ZNF804B: variants seen among roughly 807,000 people sequenced by gnomAD.
The protein encoded by ZNF804B is zinc finger 804B.
Under a neutral mutation model 101.4 loss-of-function variants are expected in ZNF804B, and 80 were observed. That is an observed-to-expected ratio of 0.79 (90% CI 0.66 to 0.95). ZNF804B has a LOEUF of 0.95. Ranked by LOEUF, ZNF804B falls within the 40% of genes least tolerant of loss-of-function variation. The pLI is 0.00. For synonymous variants in ZNF804B, 622 were observed against 558.8 expected, an observed-to-expected ratio of 1.11 and a Z score of -1.59; for missense variants, 1,673 against 1,561.9, an observed-to-expected ratio of 1.07 and a Z score of -1.20.
At position 89,213,075 on chromosome 7, in the gene ZNF804B, A is replaced by C. The variant is rs113569652; in HGVS notation, c.109-5080A>C. Among the ~76,000 whole-genome samples, 1,199 of 152,332 alleles carry C rather than the reference A, an allele frequency of 7.9e-3. 17 individuals are homozygous for C. Among genetic ancestry groups the C allele is most frequent in the African/African-American group, 0.027 (1,142 of 41,572 alleles). ...TAGAGTTTGAACTTCTGTAAGACAG[A>C]GGCTGACATTCAAGCTAGTCAGGTC... On this transcript the variant is annotated intron_variant, in intron 1 of 3. Transcript: ENST00000333190.
chr7:89,202,131 T>A (rs2040688), intron 1 of ZNF804B, among the ~76,000 whole-genome samples: 112,827 of 152,014 alleles, frequency 0.74, 42,955 homozygotes, highest in African/African-American at 0.87. Context: ...AGCATTCATA[T>A]CATAACTAAA....
chr7:89,322,737 C>A (rs753876113), intron 2 of ZNF804B, among the ~76,000 whole-genome samples: 4 of 152,138 alleles, frequency 2.6e-5, no homozygotes, highest in Non-Finnish European at 4.4e-5. Context: ...AATAAAAAAT[C>A]TATTTTGTCT....
intron 2 of ZNF804B, among the ~76,000 whole-genome samples, chr7:89,313,828 C>G (rs1380636973): frequency 6.6e-6 from 1 of 152,082 alleles, no homozygotes; most frequent in Non-Finnish European, 1.5e-5. Flanking sequence ...TTTTCCTTGA[C>G]CTCTGCAACT....
At chr7:88,905,605 C>T (rs1032063981) in intron 1 of ZNF804B, among the ~76,000 whole-genome samples, 11 of 152,226 alleles carry the variant, frequency 7.2e-5, no homozygotes, top group South Asian at 4.1e-4. Flanking sequence ...GTGATCTCTC[C>T]GCCTTGACCT....
At chr7:89,199,865 TTATA>T (rs1192133129) in intron 1 of ZNF804B, among the ~76,000 whole-genome samples, 1 of 148,532 alleles carries the variant, frequency 6.7e-6, no homozygotes, top group Admixed American at 6.8e-5. Context: ...TATGTATACA[TTATA>T]TATGTAGTAT....
chr7:89,005,585 C>T (rs1397878058), intron 1 of ZNF804B, among the ~76,000 whole-genome samples: 3 of 152,026 alleles, frequency 2.0e-5, no homozygotes, highest in Non-Finnish European at 4.4e-5. Flanking sequence ...TCTGTTATTG[C>T]AGTTGTAGAA....
At position 88,929,131 on chromosome 7, in the gene ZNF804B, C is replaced by G. The variant is rs975713597; in HGVS notation, c.108+169047C>G. The stretch of plus-strand genomic sequence containing the variant: ...ACAGTATGGAGCTCCTAGATAAGCT[C>G]TCTTTATCATATACAGATCTCTTGC... On this transcript the variant is annotated intron_variant, in intron 1 of 3. Coordinates refer to ENST00000333190, the MANE Select transcript of ZNF804B (RefSeq NM_181646.5). Among the ~76,000 whole-genome samples the G allele has an allele frequency of 4.0e-5, 6 of 151,858 alleles. No homozygotes were observed. In the South Asian group the frequency reaches 1.0e-3, roughly 26 times the overall value.
At chr7:89,061,373 G>A (rs905804791) in intron 1 of ZNF804B, among the ~76,000 whole-genome samples, 41 of 147,094 alleles carry the variant, frequency 2.8e-4, no homozygotes, top group African/African-American at 1.1e-3. Flanking sequence ...TGTGACTCTG[G>A]CCCAAACCCC....
intron 1 of ZNF804B, among the ~76,000 whole-genome samples, chr7:89,077,356 T>G (rs1789630567): frequency 6.6e-6 from 1 of 152,146 alleles, no homozygotes; most frequent in South Asian, 2.1e-4. Flanking sequence ...TTGACATTTT[T>G]TTTTCAAATG....
chr7:88,976,502 G>A (rs1223765529), intron 1 of ZNF804B, among the ~76,000 whole-genome samples: 1 of 151,022 alleles, frequency 6.6e-6, no homozygotes, highest in African/African-American at 2.4e-5. Flanking sequence ...TGTACTTATT[G>A]TCAATGAGAT....
At chr7:88,793,718 A>G (rs985067907) in intron 1 of ZNF804B, among the ~76,000 whole-genome samples, 1 of 152,070 alleles carries the variant, frequency 6.6e-6, no homozygotes, top group Non-Finnish European at 1.5e-5. Flanking sequence ...TATCGTAACT[A>G]CTTCTACATG....
intron 1 of ZNF804B, among the ~76,000 whole-genome samples, chr7:89,134,726 G>A (rs1790604152): frequency 6.6e-6 from 1 of 151,944 alleles, no homozygotes; most frequent in Admixed American, 6.6e-5. Context: ...ATCCTTTTGG[G>A]TAAATTCTTT....
chr7:88,869,603 T>C (rs76634445), intron 1 of ZNF804B, among the ~76,000 whole-genome samples: 4,311 of 152,288 alleles, frequency 0.028, 214 homozygotes, highest in African/African-American at 0.098. Flanking sequence ...TAACCAAATA[T>C]ATATCAAAAT....
chr7:89,094,711 A>T (rs578023930), intron 1 of ZNF804B, among the ~76,000 whole-genome samples: 1 of 152,314 alleles, frequency 6.6e-6, no homozygotes, highest in East Asian at 1.9e-4. Flanking sequence ...CAAAACAAAA[A>T]TGATGATTAA....
intron 2 of ZNF804B, among the ~76,000 whole-genome samples, chr7:89,306,121 T>C (rs1790558418): frequency 6.6e-6 from 1 of 151,924 alleles, no homozygotes; most frequent in Non-Finnish European, 1.5e-5. Flanking sequence ...CCAAACAGAT[T>C]TCATCTCCAA....
intron 1 of ZNF804B, among the ~76,000 whole-genome samples, chr7:89,139,659 C>A (rs974839400): frequency 4.6e-5 from 7 of 152,082 alleles, no homozygotes; most frequent in African/African-American, 1.7e-4. Flanking sequence ...AAAAAACACT[C>A]CTCATCCATT....
rs543965408 is a variant in ZNF804B at position 89,320,482 on chromosome 7, C to CA, written c.250-6855dup. 4.0e-5 allele frequency among the ~76,000 whole-genome samples: 6 copies of CA among 151,788 alleles called. No homozygotes were observed. In the East Asian group the frequency reaches 1.2e-3, roughly 29 times the overall value. ...TAACCTAACTAAATAAAAACACACACAAAAAAACAGTGCCAAATAACTGTA... is the reference window on the plus strand; with the variant it reads ...TAACCTAACTAAATAAAAACACACACAAAAAAAACAGTGCCAAATAACTGTA... On this transcript the variant is annotated intron_variant, in intron 2 of 3. Coordinates refer to ENST00000333190, the MANE Select transcript of ZNF804B (RefSeq NM_181646.5).
chr7:88,893,007 T>C (rs1187783237), intron 1 of ZNF804B, among the ~76,000 whole-genome samples: 2 of 152,216 alleles, frequency 1.3e-5, no homozygotes, highest in Admixed American at 6.5e-5. Flanking sequence ...ATTTGCAGAG[T>C]GTGTTGCCTT....
intron 1 of ZNF804B, among the ~76,000 whole-genome samples, chr7:89,114,968 AT>A (rs889070249): frequency 5.3e-5 from 8 of 152,036 alleles, no homozygotes; most frequent in East Asian, 1.9e-4. Context: ...ATAACCAAGT[AT>A]TTTTTTTCTG....
Sources: allele counts gnomAD v4.1 joint callset (sites outside exome capture counted in the v4.1 genomes callset), GRCh38; gene constraint gnomAD v4.1.1; transcripts MANE v1.5; gene names NCBI Gene and HGNC (gene_info 2026-07-23, HGNC 2026-07-21).